The following PLXNA2 variants were observed in gnomAD, a reference collection of about 807,000 sequenced individuals.
PLXNA2 encodes plexin A2.
Under a neutral mutation model 193.5 loss-of-function variants are expected in PLXNA2, and 91 were observed. The observed-to-expected ratio is 0.47, with a 90% CI of 0.40 to 0.56. The LOEUF is 0.56. Ranked by LOEUF, PLXNA2 falls within the 20% of genes least tolerant of loss-of-function variation. The pLI is 0.00. For synonymous variants in PLXNA2, 997 were observed against 1,027.3 expected, an observed-to-expected ratio of 0.97 and a Z score of 0.56; for missense variants, 1,995 against 2,503.2, an observed-to-expected ratio of 0.80 and a Z score of 4.33.
chr1:208,195,708 C>A (rs946802229), intron 3 of PLXNA2, among the ~76,000 whole-genome samples: 3 of 151,712 alleles, frequency 2.0e-5, no homozygotes, highest in African/African-American at 7.3e-5. Flanking sequence ...TGGACTAATG[C>A]TAATACACAG....
At chr1:208,241,033 T>C (rs1672034161) in intron 1 of PLXNA2, among the ~76,000 whole-genome samples, 1 of 152,192 alleles carries the variant, frequency 6.6e-6, no homozygotes, top group Non-Finnish European at 1.5e-5. Flanking sequence ...AAATATTTCA[T>C]AGCACCTAAA....
At chr1:208,210,550 A>G in intron 2 of PLXNA2, 88 bp from the exon 3 acceptor site, 1 of 1,180,854 alleles carries the variant, frequency 8.5e-7, no homozygotes, top group South Asian at 1.6e-5. Context: ...TTCCAGCCTT[A>G]GGACACCAGG....
At chr1:208,110,768 CA>C (rs1667438274) in intron 4 of PLXNA2, among the ~76,000 whole-genome samples, 1 of 152,194 alleles carries the variant, frequency 6.6e-6, no homozygotes, top group African/African-American at 2.4e-5. Context: ...TCCAGACAGA[CA>C]GAGGCAAGGA....
intron 3 of PLXNA2, among the ~76,000 whole-genome samples, chr1:208,181,776 GA>G (rs1352891294): frequency 1.3e-5 from 2 of 152,214 alleles, no homozygotes; most frequent in African/African-American, 4.8e-5. Flanking sequence ...CCAGGGATGG[GA>G]AGTGGCGGAA....
intron 1 of PLXNA2, among the ~76,000 whole-genome samples, chr1:208,219,313 A>T (rs2782947): frequency 1.3e-5 from 2 of 152,114 alleles, no homozygotes; most frequent in Non-Finnish European, 2.9e-5. Flanking sequence ...AGAGAGCAGG[A>T]CCTGGAGGTC....
At position 208,150,806 on chromosome 1, in the gene PLXNA2, C is replaced by T. The variant is rs528200686; in HGVS notation, c.1372-8343G>A. Among the ~76,000 whole-genome samples, 15 of 152,246 alleles carry T rather than the reference C, an allele frequency of 9.9e-5. No homozygotes were observed. The South Asian group carries it at 3.1e-3, about 32-fold the overall frequency. ...GGCACCAAGCACCCCATCTCTGGGG[C>T]CTCTCCCTTTGCTACTCATGAGAGA... On this transcript the variant is annotated intron_variant, in intron 3 of 31. Transcript: ENST00000367033.
Position 208,217,713 on chromosome 1 carries a change from G to A in PLXNA2, c.210C>T (p.Val70=), listed in dbSNP as rs1359227382. 6.2e-7 allele frequency: 1 copy of A among 1,614,204 alleles called. No individual in the cohort carries two copies. Among genetic ancestry groups the A allele is most frequent in the Admixed American group, 1.7e-5 (1 of 60,036 alleles). Reference sequence around the variant, plus strand: ...TGGTCAGGTTGCCTGTCAGCTTATAGACCCGGTTGATGGCCCCCACATAGA... The same window carrying A: ...TGGTCAGGTTGCCTGTCAGCTTATAAACCCGGTTGATGGCCCCCACATAGA... ...GAVYVGAINR[V]YKLTGNLTIQ... is the part of the protein sequence containing the mutation. The change falls in exon 2 of 32, where the codon GTC becomes GTT. Residue 70 remains valine, a synonymous_variant. Transcript: ENST00000367033. This position sits in a 1 kb window ranked among gnomAD's most constrained non-coding sequence, Gnocchi z 4.7.
At chr1:208,127,277 A>ACG (rs977527943) in intron 4 of PLXNA2, among the ~76,000 whole-genome samples, 3 of 151,794 alleles carry the variant, frequency 2.0e-5, no homozygotes, top group African/African-American at 7.3e-5. Context: ...GTGCATGTAC[A>ACG]CACACATACA....
At chr1:208,056,111 A>C (rs1432458970) in intron 13 of PLXNA2, among the ~76,000 whole-genome samples, 2 of 152,222 alleles carry the variant, frequency 1.3e-5, no homozygotes, top group Non-Finnish European at 2.9e-5. Context: ...TCATGCTGCT[A>C]CCTGCGTGTG....
intron 11 of PLXNA2, among the ~76,000 whole-genome samples, chr1:208,081,633 G>A (rs930349032): frequency 6.6e-6 from 1 of 152,100 alleles, no homozygotes; most frequent in African/African-American, 2.4e-5. Context: ...TAATCTCTTT[G>A]GGTCTCAGTT....
Position 208,079,295 on chromosome 1 carries a change from G to A in PLXNA2, c.2551C>T (p.His851Tyr). The change falls in exon 12 of 32, where the codon CAC (histidine) becomes TAC (tyrosine). Residue 851 changes from histidine to tyrosine, a missense_variant. This residue lies in a region of PLXNA2 where 1,291 missense variants were observed against 1,673.6 expected (regional missense o/e 0.77). Transcript: ENST00000367033. ...PSSPWLDWSS[H>Y]NVKCSNPQIT... ...TGAGGGTTGGAGCACTTGACATTGT[G>A]GCTGGACCAGTCGAGCCAGGGGCTG... The A allele has an allele frequency of 3.1e-6, 5 of 1,612,472 alleles. No individual in the cohort carries two copies. The highest frequency in any genetic ancestry group is 4.2e-6 in the Non-Finnish European group (5 of 1,178,622).
chr1:208,027,392 C>A (rs659192), intron 31 of PLXNA2, 54 bp from the exon 32 acceptor site: 3 of 1,461,526 alleles, frequency 2.1e-6, no homozygotes, highest in Non-Finnish European at 2.9e-6. Flanking sequence ...TAGAAGACAC[C>A]ATTTTCTGGA....
In PLXNA2 at chr1:208,103,236, G is replaced by A; in HGVS notation, c.1518C>T (p.Val506=). ...TATACTGCTCACATGACTCCACGGG[G>A]ACCCTGGTGACCTGGCAGAGAGAGC... ...YVMSERQVTR[V]PVESCEQYTT... Residue 506 remains valine (V), a synonymous_variant, in exon 5 of 32, where the codon GTC becomes GTT. Coordinates refer to ENST00000367033, the MANE Select transcript of PLXNA2 (RefSeq NM_025179.4). 1.9e-6 allele frequency: 3 copies of A among 1,613,436 alleles called. No homozygotes were observed. In the South Asian group the frequency reaches 3.3e-5, roughly 18 times the overall value.
intron 4 of PLXNA2, among the ~76,000 whole-genome samples, chr1:208,133,986 C>A (rs1668231660): frequency 6.6e-6 from 1 of 152,176 alleles, no homozygotes; most frequent in African/African-American, 2.4e-5. Context: ...TTCAGCAATA[C>A]CTATCTAGAA....
intron 4 of PLXNA2, among the ~76,000 whole-genome samples, chr1:208,107,038 G>A (rs564373891): frequency 6.6e-6 from 1 of 152,352 alleles, no homozygotes; most frequent in East Asian, 1.9e-4. Flanking sequence ...AGACCACAGA[G>A]CTGGAATATG....
At position 208,217,165 on chromosome 1, in the gene PLXNA2, A is replaced by G; in HGVS notation, c.758T>C (p.Val253Ala). 1.2e-6 allele frequency: 2 copies of G among 1,614,194 alleles called. No homozygotes were observed. The highest frequency in any genetic ancestry group is 2.2e-5 in the South Asian group (2 of 91,084). Residue 253 changes from valine to alanine, a missense_variant, in exon 2 of 32, where the codon GTC becomes GCC. Physicochemically the swap from Val to Ala is moderately conservative, Grantham distance 64 (BLOSUM62 0). This residue lies in a region of PLXNA2 where 702 missense variants were observed against 812.9 expected (regional missense o/e 0.86). Coordinates refer to ENST00000367033, the MANE Select transcript of PLXNA2 (RefSeq NM_025179.4). The surrounding 1 kb of genome is among the most constrained non-coding windows in gnomAD (Gnocchi z 4.7). ...CTCGGGCTGGACAGTGAGAAAGTAGACAAAGCCCCCACTAGCAAAGCCGTA... is the reference window on the plus strand; with the variant it reads ...CTCGGGCTGGACAGTGAGAAAGTAGGCAAAGCCCCCACTAGCAAAGCCGTA... ...YIYGFASGGFVYFLTVQPETP... is the reference protein window; with the variant it reads ...YIYGFASGGFAYFLTVQPETP...
At chr1:208,225,283 G>A (rs987921428) in intron 1 of PLXNA2, among the ~76,000 whole-genome samples, 5 of 152,200 alleles carry the variant, frequency 3.3e-5, no homozygotes, top group South Asian at 4.2e-4. Flanking sequence ...TATTTGAGAC[G>A]GTGTCTTTTG....
intron 5 of PLXNA2, among the ~76,000 whole-genome samples, chr1:208,102,913 A>G (rs1667141582): frequency 6.6e-6 from 1 of 152,226 alleles, no homozygotes; most frequent in African/African-American, 2.4e-5. Context: ...GAGCAGCTGA[A>G]GGGCTGAATT....
intron 1 of PLXNA2, among the ~76,000 whole-genome samples, chr1:208,233,518 G>T (rs79606397): frequency 6.6e-6 from 1 of 152,198 alleles, no homozygotes; most frequent in South Asian, 2.1e-4. Flanking sequence ...GAAGTCAATC[G>T]GGTGGCCTAG....
Sources: allele counts gnomAD v4.1 joint callset (sites outside exome capture counted in the v4.1 genomes callset), GRCh38; gene constraint gnomAD v4.1.1; regional missense constraint gnomAD v4.1.1; non-coding constraint Gnocchi (gnomAD v3.1); transcripts MANE v1.5; gene names NCBI Gene and HGNC (gene_info 2026-07-23, HGNC 2026-07-21).